PAGE4: variants seen among roughly 807,000 people sequenced by gnomAD.
PAGE4 encodes PAGE family member 4.
In PAGE4, 1 loss-of-function variant was observed where a neutral mutation model predicts 8.5. The ratio of observed to expected loss-of-function variants is 0.12; its 90% CI spans 0.04 to 0.56. The LOEUF is 0.56. PAGE4 is among the 20% of genes least tolerant of loss of function. The pLI is 0.91. For synonymous variants in PAGE4, 26 were observed against 26.3 expected, an observed-to-expected ratio of 0.99 and a Z score of 0.04; for missense variants, 93 against 82.7, an observed-to-expected ratio of 1.13 and a Z score of -0.49.
chrX:49,833,231 C>G (rs985176856), intron 4 of PAGE4, among the ~76,000 whole-genome samples: 1 of 111,484 alleles, frequency 9.0e-6, no homozygotes, highest in Non-Finnish European at 1.9e-5. Flanking sequence ...AATCAGGACA[C>G]TTTTGAGAGG....
At chrX:49,832,430 C>T in intron 3 of PAGE4, 95 bp from the exon 4 acceptor site, 1 of 546,654 alleles carries the variant, frequency 1.8e-6, no homozygotes, top group Non-Finnish European at 2.9e-6. Context: ...TCATGCATCA[C>T]ATTTGTTAGA....
Position 49,830,459 on chromosome X carries a change from G to A in PAGE4, c.31G>A (p.Gly11Arg). ...TGCACGAGTGAGATCAAGATCCAGAGGAAGAGGAGATGGTCAGGAGGCTCC... is the reference window on the plus strand; with the variant it reads ...TGCACGAGTGAGATCAAGATCCAGAAGAAGAGGAGATGGTCAGGAGGCTCC... MSARVRSRSRGRGDGQEAPDV... is the reference protein window; with the variant it reads MSARVRSRSRRRGDGQEAPDV... The change falls in exon 2 of 5, where the codon GGA becomes AGA. Residue 11 changes from glycine to arginine, a missense_variant. By Grantham distance (125) the Gly-to-Arg change is moderately radical. Coordinates refer to ENST00000218068, the MANE Select transcript of PAGE4 (RefSeq NM_007003.4). The A allele has an allele frequency of 8.3e-7, 1 of 1,206,059 alleles. No individual in the cohort carries two copies. Among genetic ancestry groups the A allele is most frequent in the East Asian group, 3.0e-5 (1 of 33,748 alleles).
At chrX:49,833,728 G>A in intron 4 of PAGE4, 118 bp from the exon 5 acceptor site, 2 of 502,404 alleles carry the variant, frequency 4.0e-6, no homozygotes. Context: ...GCAGTGGTTA[G>A]CGTTCTGGTT....
intron 4 of PAGE4, 54 bp from the exon 5 acceptor site, chrX:49,833,792 A>G (rs1028273930): frequency 1.2e-5 from 11 of 955,763 alleles, no homozygotes; most frequent in Non-Finnish European, 1.6e-5. Flanking sequence ...TTTTAGTGTC[A>G]TCTCAGTAAA....
At chrX:49,832,977 G>GCTA (rs1242544318) in intron 4 of PAGE4, among the ~76,000 whole-genome samples, 15 of 111,811 alleles carry the variant, frequency 1.3e-4, no homozygotes, top group African/African-American at 4.2e-4. Context: ...AAAAAAATTT[G>GCTA]CTAGAATTGT....
chrX:49,830,788 T>C (rs1923452999), intron 2 of PAGE4: 3 of 437,469 alleles, frequency 6.9e-6, no homozygotes, highest in Admixed American at 4.5e-5. Context: ...GGTTCCAGAA[T>C]TATTGGTCCT....
Position 49,832,660 on chromosome X carries a change from T to C in PAGE4, c.292+10T>C. The C allele has an allele frequency of 8.4e-7, 1 of 1,187,326 alleles. No homozygotes were observed. The highest frequency in any genetic ancestry group is 2.3e-5 in the Admixed American group (1 of 42,872). On this transcript the variant is annotated intron_variant, in intron 4 of 4. Coordinates refer to ENST00000218068, the MANE Select transcript of PAGE4 (RefSeq NM_007003.4). The stretch of plus-strand genomic sequence containing the variant: ...AAGACTAAAGAAGCAGGTACGTTAT[T>C]CATTCGGAATGGAAGTCATGGGGTT...
At chrX:49,830,928 G>T (rs1923456908) in intron 2 of PAGE4, 69 bp from the exon 3 acceptor site, 1 of 702,230 alleles carries the variant, frequency 1.4e-6, no homozygotes, top group African/African-American at 2.2e-5. Flanking sequence ...ATGTATATTT[G>T]TGACTTCTAT....
chrX:49,832,796 A>G, intron 4 of PAGE4, 146 bp downstream of exon 4: 1 of 487,684 alleles, frequency 2.1e-6, no homozygotes, highest in South Asian at 3.8e-5. Context: ...GGAAAAATGA[A>G]TTAGGTCAAA....
intron 4 of PAGE4, 101 bp from the exon 5 acceptor site, chrX:49,833,745 T>G: frequency 8.7e-6 from 5 of 577,947 alleles, no homozygotes; most frequent in Non-Finnish European, 1.4e-5. Context: ...GGTTTTAATT[T>G]CATCTTAAGA....
intron 4 of PAGE4, among the ~76,000 whole-genome samples, chrX:49,832,904 T>C (rs1319492382): frequency 8.9e-6 from 1 of 111,837 alleles, no homozygotes; most frequent in African/African-American, 3.2e-5. Flanking sequence ...TAAAAGTATA[T>C]ACATTACTTA....
intron 3 of PAGE4, among the ~76,000 whole-genome samples, chrX:49,832,006 G>C (rs1162639388): frequency 9.0e-6 from 1 of 111,319 alleles, no homozygotes; most frequent in Non-Finnish European, 1.9e-5. Flanking sequence ...ATATCTCTCT[G>C]GTCTTCTTTA....
rs782013746 is a variant in PAGE4, at chrX:49,831,081, G to A, written c.163G>A (p.Glu55Lys). The change falls in exon 3 of 5, where the codon GAA becomes AAA. Residue 55 changes from glutamate (E) to lysine (K), a missense_variant. Physicochemically the swap from Glu to Lys is moderately conservative, Grantham distance 56 (BLOSUM62 1). Transcript: ENST00000218068. The part of the protein sequence containing the change: ...GQEREGTPPI[E>K]ERKVEGDCQE... ...AGAGAGAGAAGGAACACCTCCGATC[G>A]AAGGTGAGAAGGGCATGGAGGAGCA... The A allele has an allele frequency of 2.6e-6, 3 of 1,136,949 alleles. No individual in the cohort carries two copies. The highest frequency in any genetic ancestry group is 3.6e-5 in the African/African-American group (2 of 56,033). 93.7% of individuals were successfully genotyped at this position (1,136,949 alleles called of 1,213,427 possible).
In PAGE4 at chrX:49,834,089, G is replaced by A. The variant is rs1557156922; in HGVS notation, c.*227G>A. On this transcript the variant is annotated 3_prime_UTR_variant, in exon 5 of 5. Coordinates refer to ENST00000218068, the MANE Select transcript of PAGE4 (RefSeq NM_007003.4). ...ATATATTTTTGTATACTGATTTTGT[G>A]TTGGGCAACATTGCTAAACTTGCCT... 1 of 362,521 alleles carries A rather than the reference G, an allele frequency of 2.8e-6. No homozygotes were observed. Among genetic ancestry groups the A allele is most frequent in the African/African-American group, 2.6e-5 (1 of 39,124 alleles). 29.9% of individuals were successfully genotyped at this position (362,521 alleles called of 1,213,427 possible).
chrX:49,833,678 A>G (rs1557156848), intron 4 of PAGE4, among the ~76,000 whole-genome samples, 168 bp from the exon 5 acceptor site: 1 of 112,091 alleles, frequency 8.9e-6, no homozygotes, highest in African/African-American at 3.2e-5. Context: ...AAAAATTAGT[A>G]CACATATGCC....
At chrX:49,833,190 T>C (rs1490518011) in intron 4 of PAGE4, among the ~76,000 whole-genome samples, 2 of 111,844 alleles carry the variant, frequency 1.8e-5, no homozygotes, top group African/African-American at 6.5e-5. Flanking sequence ...CGTGCATATC[T>C]GGCCTCCAAC....
chrX:49,831,022 C>A lies in PAGE4; in HGVS notation c.104C>A (p.Pro35Gln), dbSNP rs782219929. 5 of 1,190,903 alleles carry A rather than the reference C, an allele frequency of 4.2e-6. No homozygotes were observed. Among genetic ancestry groups the A allele is most frequent in the Non-Finnish European group, 5.6e-6 (5 of 885,246 alleles). ...VAPGESQQEE[P>Q]PTDNQDIEPG... ...CCCGGTGAATCTCAGCAAGAGGAAC[C>A]ACCAACTGACAATCAGGATATTGAA... is the stretch of plus-strand genomic sequence containing the variant. The change falls in exon 3 of 5, where the codon CCA becomes CAA. Residue 35 changes from proline to glutamine, a missense_variant. By Grantham distance (76) the Pro-to-Gln change is moderately conservative. Coordinates refer to ENST00000218068, the MANE Select transcript of PAGE4 (RefSeq NM_007003.4).
intron 4 of PAGE4, among the ~76,000 whole-genome samples, chrX:49,833,289 G>A (rs1443901697): frequency 8.9e-6 from 1 of 111,751 alleles, no homozygotes; most frequent in Non-Finnish European, 1.9e-5. Context: ...GTGCCAATGA[G>A]ACAAATGGCC....
chrX:49,831,133 C>T (rs1557156566), intron 3 of PAGE4, 49 bp downstream of exon 3: 1 of 829,014 alleles, frequency 1.2e-6, no homozygotes, highest in South Asian at 2.4e-5. Context: ...TGATTTTATA[C>T]TAGTAACAGG....
Sources: allele counts gnomAD v4.1 joint callset (sites outside exome capture counted in the v4.1 genomes callset), GRCh38; gene constraint gnomAD v4.1.1; transcripts MANE v1.5; gene names NCBI Gene and HGNC (gene_info 2026-07-23, HGNC 2026-07-21).